The following LRRC28 variants were observed in gnomAD, a reference collection of about 807,000 sequenced individuals.
LRRC28 encodes leucine-rich repeat-containing protein 28.
In LRRC28, 39 loss-of-function variants were observed where a neutral mutation model predicts 45.7. The ratio of observed to expected loss-of-function variants is 0.85; its 90% CI spans 0.66 to 1.12. The LOEUF (loss-of-function observed/expected upper bound fraction) is 1.12. Ranked by LOEUF, LRRC28 falls within the 50% of genes most tolerant of loss-of-function variation. The probability of loss-of-function intolerance (pLI) is 0.00; values close to 1 mark genes in which losing one functional copy is unlikely to be tolerated. For synonymous variants in LRRC28, 206 were observed against 178.8 expected (o/e 1.15, Z -1.22); for missense variants, 435 against 438.5 (o/e 0.99, Z 0.07).
intron 2 of LRRC28, chr15:99,257,506 G>C (rs1305309085): frequency 4.9e-6 from 2 of 404,128 alleles, no homozygotes; most frequent in Admixed American, 7.7e-5. Flanking sequence ...ATTGACCTTT[G>C]CTTATAAAAG....
At chr15:99,287,357 G>C in intron 4 of LRRC28, 63 bp downstream of exon 4, 1 of 1,238,546 alleles carries the variant, frequency 8.1e-7, no homozygotes, top group Non-Finnish European at 1.1e-6. Flanking sequence ...TTTATAAATA[G>C]ATCAAATTTT....
chr15:99,377,755 A>C (rs1158252676), intron 9 of LRRC28, among the ~76,000 whole-genome samples: 1 of 152,006 alleles, frequency 6.6e-6, no homozygotes, highest in Non-Finnish European at 1.5e-5. Flanking sequence ...TCAGCTTTCT[A>C]CATATGGCTA....
At chr15:99,285,528 G>T in intron 3 of LRRC28, 1 of 1,078,744 alleles carries the variant, frequency 9.3e-7, no homozygotes, top group Non-Finnish European at 1.4e-6. Context: ...GGCCTCCAAT[G>T]AAGAGCTTCC....
intron 2 of LRRC28, among the ~76,000 whole-genome samples, chr15:99,263,778 C>A (rs147828177): frequency 1.3e-5 from 2 of 152,292 alleles, no homozygotes; most frequent in Admixed American, 1.3e-4. Flanking sequence ...GAGCATCATT[C>A]AATCAGTGTG....
chr15:99,317,290 A>G (rs1202521687), intron 5 of LRRC28, among the ~76,000 whole-genome samples: 2 of 152,172 alleles, frequency 1.3e-5, no homozygotes, highest in Admixed American at 6.5e-5. Flanking sequence ...TTGATAACCA[A>G]CCTTTTCCAA....
At chr15:99,381,476 A>C (rs1053440688) in intron 9 of LRRC28, among the ~76,000 whole-genome samples, 1 of 152,186 alleles carries the variant, frequency 6.6e-6, no homozygotes, top group Non-Finnish European at 1.5e-5. Flanking sequence ...GATGGGTTCG[A>C]ACTTCCTCCT....
intron 9 of LRRC28, among the ~76,000 whole-genome samples, chr15:99,367,338 C>T (rs1368818341): frequency 2.6e-5 from 4 of 152,146 alleles, no homozygotes; most frequent in Non-Finnish European, 5.9e-5. Flanking sequence ...TTATTTGGCT[C>T]ATGCTTTTGG....
rs78209993 is a variant in LRRC28, at chr15:99,385,856, A to G, written c.1032-174A>G. Among the ~76,000 whole-genome samples, 414 of 152,292 alleles carry G rather than the reference A, an allele frequency of 2.7e-3. 3 individuals are homozygous for G. Among genetic ancestry groups the G allele is most frequent in the Non-Finnish European group, 4.1e-3 (282 of 68,028 alleles). The stretch of plus-strand genomic sequence containing the variant: ...AAATAAAATGAACATTCACATGTAC[A>G]TACTTCACCTGATTCCAGTGCTCAG... On this transcript the variant is annotated intron_variant, in intron 9 of 9. Coordinates refer to ENST00000301981, the MANE Select transcript of LRRC28 (RefSeq NM_144598.5).
rs1232337366 is a variant in LRRC28 at position 99,297,725 on chromosome 15, GATATA to G, written c.385+9778_385+9782del. Among the ~76,000 whole-genome samples the G allele has an allele frequency of 2.6e-5, 4 of 151,352 alleles. No individual in the cohort carries two copies. In the East Asian group the frequency reaches 7.7e-4, roughly 29 times the overall value. ...AATTTAGATTTTTACATAAAATTGT[GATATA>G]ATAGATAAAACATTTCTCAGAAAAA... is the stretch of plus-strand genomic sequence containing the variant. On this transcript the variant is annotated intron_variant, in intron 5 of 9. Coordinates refer to ENST00000301981, the MANE Select transcript of LRRC28 (RefSeq NM_144598.5).
chr15:99,381,124 T>A (rs2152560394), intron 9 of LRRC28, among the ~76,000 whole-genome samples: 1 of 152,316 alleles, frequency 6.6e-6, no homozygotes, highest in Admixed American at 6.5e-5. Context: ...TCCTGCAGAG[T>A]GTTTTTCAGC....
intron 5 of LRRC28, among the ~76,000 whole-genome samples, chr15:99,293,731 A>C (rs1325772833): frequency 6.7e-6 from 1 of 150,350 alleles, no homozygotes; most frequent in Non-Finnish European, 1.5e-5. Flanking sequence ...AGCTGATCTC[A>C]ATCTCCTGGC....
At chr15:99,265,624 G>T (rs959989052) in intron 2 of LRRC28, among the ~76,000 whole-genome samples, 9 of 152,150 alleles carry the variant, frequency 5.9e-5, no homozygotes, top group African/African-American at 2.2e-4. Flanking sequence ...ACAATCACTA[G>T]TCCTTTCTAA....
Position 99,387,609 on chromosome 15 carries a change from TGCTCTTCCTTTCAAAG to T in LRRC28, c.*1509_*1524del, listed in dbSNP as rs1410030458. On this transcript the variant is annotated 3_prime_UTR_variant, in exon 10 of 10. Transcript: ENST00000301981. Reference sequence around the variant, plus strand: ...ACTCTTCATGAAGAAGTCACGTATTTGCTCTTCCTTTCAAAGGATGGCATTTTAATGTTGCTTTGCT... The same window carrying T: ...ACTCTTCATGAAGAAGTCACGTATTTGATGGCATTTTAATGTTGCTTTGCT... 2 of 152,226 alleles carry T rather than the reference TGCTCTTCCTTTCAAAG, an allele frequency of 1.3e-5. No individual in the cohort carries two copies. The highest frequency in any genetic ancestry group is 4.1e-4 in the South Asian group (2 of 4,828). 9.4% of individuals were successfully genotyped at this position (152,226 alleles called of 1,614,324 possible).
At chr15:99,319,433 A>G (rs1955715276) in intron 5 of LRRC28, among the ~76,000 whole-genome samples, 1 of 152,246 alleles carries the variant, frequency 6.6e-6, no homozygotes, top group Non-Finnish European at 1.5e-5. Context: ...CTTTTAGAAT[A>G]AATGCTTTTA....
chr15:99,300,697 G>A lies in LRRC28; in HGVS notation c.385+12746G>A, dbSNP rs544914337. 2.0e-5 allele frequency among the ~76,000 whole-genome samples: 3 copies of A among 152,222 alleles called. No individual in the cohort carries two copies. The South Asian group carries it at 6.2e-4, about 32-fold the overall frequency. ...AAAAATTAGCTGGATGTGATGGTGT[G>A]CACCTGTAATCCCAGCCCCTCAGGA... is the stretch of plus-strand genomic sequence containing the variant. On this transcript the variant is annotated intron_variant, in intron 5 of 9. Coordinates refer to ENST00000301981, the MANE Select transcript of LRRC28 (RefSeq NM_144598.5).
intron 2 of LRRC28, among the ~76,000 whole-genome samples, chr15:99,262,976 T>G (rs1272913606): frequency 6.6e-6 from 1 of 151,910 alleles, no homozygotes; most frequent in Non-Finnish European, 1.5e-5. Context: ...TAAGCTAGTT[T>G]GTATTGAAAT....
chr15:99,311,336 G>A (rs188154919), intron 5 of LRRC28, among the ~76,000 whole-genome samples: 8 of 152,246 alleles, frequency 5.3e-5, no homozygotes, highest in East Asian at 1.9e-4. Flanking sequence ...GTTGCTTTAC[G>A]TGAATTGTGA....
At chr15:99,257,939 ACTG>A (rs1816987062) in intron 2 of LRRC28, 1 of 771,442 alleles carries the variant, frequency 1.3e-6, no homozygotes, top group South Asian at 1.4e-5. Context: ...TCCTTAGAGA[ACTG>A]ATTCTGACGC....
At chr15:99,268,727 C>T (rs947767563) in intron 2 of LRRC28, among the ~76,000 whole-genome samples, 1 of 152,130 alleles carries the variant, frequency 6.6e-6, no homozygotes, top group Non-Finnish European at 1.5e-5. Context: ...TAGGTGTAAT[C>T]TTAAATCATT....
Sources: allele counts gnomAD v4.1 joint callset (sites outside exome capture counted in the v4.1 genomes callset), GRCh38; gene constraint gnomAD v4.1.1; transcripts MANE v1.5; gene names NCBI Gene and HGNC (gene_info 2026-07-23, HGNC 2026-07-21).